Variants in ARHGAP32 observed in about 807,000 individuals in gnomAD.
The protein encoded by ARHGAP32 is Rho GTPase activating protein 32.
In ARHGAP32, 51 loss-of-function variants were observed where a neutral mutation model predicts 186.5. The observed-to-expected ratio is 0.27, with a 90% CI of 0.22 to 0.35. The LOEUF (loss-of-function observed/expected upper bound fraction) is 0.35. Ranked by LOEUF, ARHGAP32 falls within the 10% of genes least tolerant of loss-of-function variation. The probability of loss-of-function intolerance (pLI) is 1.00; values close to 1 mark genes in which losing one functional copy is unlikely to be tolerated. For synonymous variants in ARHGAP32, 950 were observed against 964.3 expected (o/e 0.99, Z 0.27); for missense variants, 2,186 against 2,623.5 (o/e 0.83, Z 3.64).
At chr11:129,104,773 A>G (rs1023295853) in intron 5 of ARHGAP32, among the ~76,000 whole-genome samples, 1 of 152,154 alleles carries the variant, frequency 6.6e-6, no homozygotes, top group Non-Finnish European at 1.5e-5. Flanking sequence ...AATCACAAAA[A>G]ACAAGCACAA....
chr11:129,104,193 G>C (rs1447282933), intron 5 of ARHGAP32, among the ~76,000 whole-genome samples: 2 of 151,982 alleles, frequency 1.3e-5, no homozygotes, highest in Non-Finnish European at 2.9e-5. Flanking sequence ...ATGTACCTCA[G>C]AAGAAAAGGG....
Position 128,969,062 on chromosome 11 carries a change from G to C in ARHGAP32, c.6151C>G (p.Arg2051Gly). The C allele has an allele frequency of 1.9e-6, 3 of 1,611,990 alleles. No individual in the cohort carries two copies. The highest frequency in any genetic ancestry group is 2.5e-6 in the Non-Finnish European group (3 of 1,178,594). Reference protein sequence around the residue: ...EDYHSLPQHQRGVFGGGGMGT... With the variant: ...EDYHSLPQHQGGVFGGGGMGT... ...ATGCCGCCCCCTCCAAAGACTCCTC[G>C]CTGGTGCTGAGGCAGGGAGTGGTAA... The change falls in exon 23 of 23, where the codon CGA becomes GGA. Residue 2051 changes from arginine to glycine, a missense_variant. By Grantham distance (125) the Arg-to-Gly change is moderately radical. This residue lies in a region of ARHGAP32 where 1,502 missense variants were observed against 1,570.0 expected (regional missense o/e 0.96). Coordinates refer to ENST00000682385, the MANE Select transcript of ARHGAP32 (RefSeq NM_001378024.1). The surrounding 1 kb of genome is among the most constrained non-coding windows in gnomAD (Gnocchi z 4.8).
intron 1 of ARHGAP32, among the ~76,000 whole-genome samples, chr11:129,170,651 G>A (rs1226410194): frequency 3.9e-5 from 6 of 152,192 alleles, no homozygotes; most frequent in Non-Finnish European, 8.8e-5. Context: ...ATGTGTGCAA[G>A]TGCCTTTATA....
rs528033402 is a variant in ARHGAP32 at position 129,146,780 on chromosome 11, T to A, written c.225+17539A>T. On this transcript the variant is annotated intron_variant, in intron 2 of 22. Transcript: ENST00000682385. The stretch of plus-strand genomic sequence containing the variant: ...CCAAAATTTCCAGCTCCTTTTTAGA[T>A]ATGTTTATTAAAAAACTAATATTCT... Among the ~76,000 whole-genome samples, 9 of 152,202 alleles carry A rather than the reference T, an allele frequency of 5.9e-5. No homozygotes were observed. In the East Asian group the frequency reaches 1.7e-3, roughly 29 times the overall value.
intron 1 of ARHGAP32, among the ~76,000 whole-genome samples, chr11:129,244,898 GATA>G (rs2135674560): frequency 6.6e-6 from 1 of 151,124 alleles, no homozygotes; most frequent in South Asian, 2.1e-4. Context: ...ACCACAGTGA[GATA>G]CCATCTCACA....
intron 2 of ARHGAP32, among the ~76,000 whole-genome samples, chr11:129,148,352 C>T (rs629567): frequency 0.021 from 3,221 of 152,218 alleles, 53 homozygotes; most frequent in Middle Eastern, 0.058. Flanking sequence ...ATCCATAAAT[C>T]CAGATTACAG....
chr11:129,039,261 A>T (rs1320682263), intron 11 of ARHGAP32, among the ~76,000 whole-genome samples: 6 of 152,226 alleles, frequency 3.9e-5, no homozygotes, highest in Non-Finnish European at 5.9e-5. Context: ...GGAAATTAAA[A>T]CATATCCACA....
At chr11:128,994,328 T>C (rs1375106619) in intron 12 of ARHGAP32, among the ~76,000 whole-genome samples, 2 of 151,476 alleles carry the variant, frequency 1.3e-5, no homozygotes, top group African/African-American at 2.4e-5. Context: ...CCACTTTTTG[T>C]ATTTTTAGTA....
In ARHGAP32 at chr11:129,052,024, AG is replaced by A. The variant is rs554936765; in HGVS notation, c.963+10255del. On this transcript the variant is annotated intron_variant, in intron 10 of 22. Coordinates refer to ENST00000682385, the MANE Select transcript of ARHGAP32 (RefSeq NM_001378024.1). ...CCAAAGCCACAAAAGTTTTCTCCTA[AG>A]TTTTCTTCTTGAAGTTTTATAGTTT... Among the ~76,000 whole-genome samples, 158 of 149,646 alleles carry A rather than the reference AG, an allele frequency of 1.1e-3. 2 individuals carry two copies. In the South Asian group the frequency reaches 0.016, roughly 15 times the overall value.
intron 1 of ARHGAP32, among the ~76,000 whole-genome samples, chr11:129,269,910 T>C (rs372821865): frequency 3.3e-5 from 5 of 152,300 alleles, no homozygotes; most frequent in East Asian, 3.9e-4. Context: ...TCATTCACTA[T>C]TGGTGAGGTT....
intron 1 of ARHGAP32, among the ~76,000 whole-genome samples, chr11:129,216,377 T>G (rs1201990634): frequency 6.6e-6 from 1 of 152,128 alleles, no homozygotes; most frequent in Non-Finnish European, 1.5e-5. Flanking sequence ...TTATTCTAAT[T>G]CTTTATTAAT....
rs1317435754 is a variant in ARHGAP32, at chr11:129,127,891, A to G, written c.226-2997T>C. 4.6e-5 allele frequency among the ~76,000 whole-genome samples: 7 copies of G among 152,344 alleles called. No homozygotes were observed. In the East Asian group the frequency reaches 1.3e-3, roughly 29 times the overall value. On this transcript the variant is annotated intron_variant, in intron 2 of 22. Coordinates refer to ENST00000682385, the MANE Select transcript of ARHGAP32 (RefSeq NM_001378024.1). ...CAACAGAACATTCAAAAGACCTCAA[A>G]AGGCAACTGAACATATGTTCATAAA...
Position 129,165,002 on chromosome 11 carries a change from C to T in ARHGAP32, c.117-575G>A, listed in dbSNP as rs1943604016. ...GGAAAGCCCAATCAAGCAATTTCCA[C>T]ATTTAATCCTTCTTTCTGTATAAGA... On this transcript the variant is annotated intron_variant, in intron 1 of 22. Coordinates refer to ENST00000682385, the MANE Select transcript of ARHGAP32 (RefSeq NM_001378024.1). Among the ~76,000 whole-genome samples the T allele has an allele frequency of 2.0e-5, 3 of 152,170 alleles. No homozygotes were observed. The South Asian group carries it at 6.2e-4, about 31-fold the overall frequency.
At chr11:129,046,379 C>A (rs890039448) in intron 10 of ARHGAP32, among the ~76,000 whole-genome samples, 2 of 145,044 alleles carry the variant, frequency 1.4e-5, no homozygotes, top group Admixed American at 1.3e-4. Flanking sequence ...TAACAACTGT[C>A]CTACAAAATT....
chr11:129,086,138 C>A (rs1941387175), intron 6 of ARHGAP32, among the ~76,000 whole-genome samples: 1 of 151,764 alleles, frequency 6.6e-6, no homozygotes, highest in Admixed American at 6.6e-5. Context: ...ATATAAAAGT[C>A]AACTGACATT....
At chr11:129,210,922 C>G (rs1005111874) in intron 1 of ARHGAP32, among the ~76,000 whole-genome samples, 1 of 152,208 alleles carries the variant, frequency 6.6e-6, no homozygotes, top group Non-Finnish European at 1.5e-5. Flanking sequence ...ATGCAGTGAA[C>G]TGCACGGGAC....
intron 13 of ARHGAP32, 83 bp from the exon 14 acceptor site, chr11:128,986,751 A>C (rs1234065535): frequency 1.5e-6 from 2 of 1,373,772 alleles, no homozygotes; most frequent in Non-Finnish European, 2.0e-6. Flanking sequence ...CATAAGCTCC[A>C]AAAGTGTTCA....
chr11:129,059,392 C>T (rs1940395862), intron 10 of ARHGAP32, among the ~76,000 whole-genome samples: 2 of 152,272 alleles, frequency 1.3e-5, no homozygotes, highest in Admixed American at 6.5e-5. Context: ...CTCTTTCACA[C>T]CTTTCCCTGC....
chr11:129,086,606 G>T (rs1167104900), intron 6 of ARHGAP32, among the ~76,000 whole-genome samples: 1 of 152,140 alleles, frequency 6.6e-6, no homozygotes, highest in Admixed American at 6.5e-5. Flanking sequence ...CGGATCACAA[G>T]GTCAGGAGAT....
Sources: allele counts gnomAD v4.1 joint callset (sites outside exome capture counted in the v4.1 genomes callset), GRCh38; gene constraint gnomAD v4.1.1; regional missense constraint gnomAD v4.1.1; non-coding constraint Gnocchi (gnomAD v3.1); transcripts MANE v1.5; gene names NCBI Gene and HGNC (gene_info 2026-07-23, HGNC 2026-07-21).